ELP4: variants seen among roughly 807,000 people sequenced by gnomAD.
ELP4 encodes the protein elongator acetyltransferase complex subunit 4, also known as elongator complex protein 4.
In ELP4, 51 loss-of-function variants were observed where a neutral mutation model predicts 48.9. The ratio of observed to expected loss-of-function variants is 1.04; its 90% CI spans 0.83 to 1.32. The LOEUF (loss-of-function observed/expected upper bound fraction) is 1.32. Among genes scored for constraint, ELP4 ranks in the 40% most tolerant of loss-of-function variants. The pLI is 0.00. For missense variants in ELP4, 519 were observed against 514.6 expected, an observed-to-expected ratio of 1.01 and a Z score of -0.08; for synonymous variants, 210 against 189.2, an observed-to-expected ratio of 1.11 and a Z score of -0.90.
intron 6 of ELP4, among the ~76,000 whole-genome samples, chr11:31,628,593 A>G (rs934394654): frequency 2.0e-4 from 31 of 152,012 alleles, no homozygotes; most frequent in Non-Finnish European, 3.4e-4. Context: ...TTTCACAGAA[A>G]TTGATAGACA....
intron 9 of ELP4, among the ~76,000 whole-genome samples, chr11:31,680,739 G>A (rs557571011): frequency 6.6e-6 from 1 of 152,138 alleles, no homozygotes; most frequent in African/African-American, 2.4e-5. Context: ...GTGTTCAATA[G>A]GCTGCACAGT....
intron 9 of ELP4, among the ~76,000 whole-genome samples, chr11:31,775,904 G>A (rs1266636626): frequency 6.6e-6 from 1 of 152,152 alleles, no homozygotes; most frequent in East Asian, 1.9e-4. Flanking sequence ...GGTGGAGGTT[G>A]CAGTGAGCTG....
chr11:31,740,926 C>T (rs1202925093), intron 9 of ELP4, among the ~76,000 whole-genome samples: 6 of 152,324 alleles, frequency 3.9e-5, no homozygotes, highest in Admixed American at 6.5e-5. Context: ...GTGCGTGAGC[C>T]GAAGCAGGGC....
At chr11:31,544,757 A>G (rs1956667760) in intron 3 of ELP4, among the ~76,000 whole-genome samples, 1 of 152,166 alleles carries the variant, frequency 6.6e-6, no homozygotes, top group Admixed American at 6.5e-5. Context: ...ACCCCCCAGT[A>G]GGGGCAGACT....
At chr11:31,560,193 A>C (rs1195921862) in intron 3 of ELP4, among the ~76,000 whole-genome samples, 1 of 152,140 alleles carries the variant, frequency 6.6e-6, no homozygotes, top group Non-Finnish European at 1.5e-5. Context: ...ATCTCACCTC[A>C]TTCCTAATTT....
intron 9 of ELP4, among the ~76,000 whole-genome samples, chr11:31,692,947 A>G (rs1244888226): frequency 6.6e-6 from 1 of 152,072 alleles, no homozygotes; most frequent in Non-Finnish European, 1.5e-5. Flanking sequence ...CTAGATTGCA[A>G]TTACTTTTAT....
intron 3 of ELP4, among the ~76,000 whole-genome samples, chr11:31,566,162 A>T (rs2133949293): frequency 6.6e-6 from 1 of 152,216 alleles, no homozygotes; most frequent in East Asian, 1.9e-4. Flanking sequence ...GTTCGAGACC[A>T]GCCTGGGCAA....
chr11:31,519,549 G>C, intron 1 of ELP4, among the ~76,000 whole-genome samples: 1 of 152,208 alleles, frequency 6.6e-6, no homozygotes, highest in East Asian at 1.9e-4. Context: ...GGGCCTGGTG[G>C]CTCACTGGCT....
intron 9 of ELP4, among the ~76,000 whole-genome samples, chr11:31,736,173 A>G (rs375763412): frequency 2.9e-4 from 44 of 152,340 alleles, no homozygotes; most frequent in East Asian, 1.9e-3. Context: ...ATAAAGCCGC[A>G]TATCTACAAC....
intron 9 of ELP4, among the ~76,000 whole-genome samples, chr11:31,717,088 A>T (rs1025516699): frequency 1.3e-5 from 2 of 152,210 alleles, no homozygotes; most frequent in African/African-American, 2.4e-5. Flanking sequence ...GCAGGAAAAA[A>T]AAATGAATGA....
intron 5 of ELP4, among the ~76,000 whole-genome samples, chr11:31,605,808 C>A (rs1177509348): frequency 1.3e-5 from 2 of 152,074 alleles, no homozygotes; most frequent in African/African-American, 4.8e-5. Context: ...TGCCAACAAC[C>A]CTCCAAGAGA....
intron 3 of ELP4, among the ~76,000 whole-genome samples, chr11:31,570,188 A>G (rs909278634): frequency 3.9e-5 from 6 of 152,172 alleles, no homozygotes; most frequent in African/African-American, 1.2e-4. Flanking sequence ...CCATAAAGAA[A>G]TCATGTCCTT....
In ELP4 at chr11:31,633,243, A is replaced by T. The variant is rs531662486; in HGVS notation, c.927+838A>T. 4.6e-5 allele frequency: 7 copies of T among 152,214 alleles called. No homozygotes were observed. In the South Asian group the frequency reaches 1.2e-3, roughly 27 times the overall value. 9.4% of individuals were successfully genotyped at this position (152,214 alleles called of 1,614,324 possible). A position where few individuals can be genotyped will look rare whatever the true frequency, so the allele number is the denominator to read the frequency against. On this transcript the variant is annotated intron_variant, in intron 7 of 9. Coordinates refer to ENST00000640961, the MANE Select transcript of ELP4 (RefSeq NM_019040.5). ...ATTTATTAAAATGACATTTAGTTAC[A>T]TTCATTATATACAGCATATATAGCA...
chr11:31,553,934 A>T (rs1007097715), intron 3 of ELP4, among the ~76,000 whole-genome samples: 2 of 152,174 alleles, frequency 1.3e-5, no homozygotes, highest in African/African-American at 4.8e-5. Context: ...GCTGCTCCCC[A>T]TTGCTTGTAT....
At chr11:31,717,903 A>G (rs567161488) in intron 9 of ELP4, among the ~76,000 whole-genome samples, 78 of 152,302 alleles carry the variant, frequency 5.1e-4, no homozygotes, top group African/African-American at 1.7e-3. Flanking sequence ...CTGGGAATAT[A>G]TTAGTTTTTT....
At chr11:31,731,111 G>A (rs764342533) in intron 9 of ELP4, among the ~76,000 whole-genome samples, 1 of 152,148 alleles carries the variant, frequency 6.6e-6, no homozygotes, top group Non-Finnish European at 1.5e-5. Flanking sequence ...TACAAAGCCA[G>A]TCTGAAAAAA....
At chr11:31,646,610 CAG>C (rs1945203259) in intron 7 of ELP4, 3 of 151,820 alleles carry the variant, frequency 2.0e-5, no homozygotes, top group Middle Eastern at 6.8e-3. Flanking sequence ...CTCTTTCTAA[CAG>C]GGGATATAGC....
Position 31,701,501 on chromosome 11 carries a change from A to G in ELP4, c.1143+51280A>G, listed in dbSNP as rs185282508. Among the ~76,000 whole-genome samples the G allele has an allele frequency of 5.5e-4, 83 of 151,934 alleles. 1 individual carries two copies. Among genetic ancestry groups the G allele is most frequent in the African/African-American group, 1.9e-3 (77 of 41,508 alleles). On this transcript the variant is annotated intron_variant, in intron 9 of 9. Coordinates refer to ENST00000640961, the MANE Select transcript of ELP4 (RefSeq NM_019040.5). ...CTTAATTAGCTTCTAATCTCACTCA[A>G]TTTATCTTGGGGCACAGATATTGTA...
rs188423523 is a variant in ELP4 at position 31,610,955 on chromosome 11, A to G, written c.653+7048A>G. 5.9e-5 allele frequency among the ~76,000 whole-genome samples: 9 copies of G among 152,194 alleles called. No homozygotes were observed. The East Asian group carries it at 7.7e-4, about 13-fold the overall frequency. ...TGACTCTTCTCTCTCTCTGCATCCA[A>G]TCTATTAGCATGTCCTGTCAACTGT... On this transcript the variant is annotated intron_variant, in intron 5 of 9. Coordinates refer to ENST00000640961, the MANE Select transcript of ELP4 (RefSeq NM_019040.5).
Sources: gnomAD v4.1 joint callset for allele counts (sites outside exome capture counted in the v4.1 genomes callset) on GRCh38, gnomAD v4.1.1 for gene constraint, MANE v1.5 for transcripts, NCBI Gene and HGNC (gene_info 2026-07-23, HGNC 2026-07-21) for gene names.